STK39: variants seen among roughly 807,000 people sequenced by gnomAD.
STK39 encodes the protein serine/threonine kinase 39, also known as STE20/SPS1-related proline-alanine-rich protein kinase.
STK39 carries 20 observed loss-of-function variants against 77.8 expected under a neutral mutation model. That is an observed-to-expected ratio of 0.26 (90% confidence interval 0.18 to 0.37). The LOEUF (loss-of-function observed/expected upper bound fraction) is 0.37. Ranked by LOEUF, STK39 falls within the 10% of genes least tolerant of loss-of-function variation. The pLI is 1.00. For synonymous variants in STK39, 246 were observed against 234.1 expected, an observed-to-expected ratio of 1.05 and a Z score of -0.47; for missense variants, 479 against 656.5, an observed-to-expected ratio of 0.73 and a Z score of 2.95.
At chr2:168,181,526 AT>A (rs1207587737) in intron 2 of STK39, among the ~76,000 whole-genome samples, 5 of 150,798 alleles carry the variant, frequency 3.3e-5, no homozygotes, top group Non-Finnish European at 1.5e-5. Context: ...TAAAAAAAAA[AT>A]AACTCAAATT....
At chr2:167,956,289 C>T (rs914721226) in intron 17 of STK39, among the ~76,000 whole-genome samples, 20 of 152,150 alleles carry the variant, frequency 1.3e-4, no homozygotes, top group Admixed American at 5.2e-4. Flanking sequence ...CCAGGCATGG[C>T]GGCTCACGCC....
At chr2:168,193,371 T>C (rs1280382649) in intron 1 of STK39, among the ~76,000 whole-genome samples, 1 of 151,532 alleles carries the variant, frequency 6.6e-6, no homozygotes, top group African/African-American at 2.4e-5. Flanking sequence ...TGGCAGAAAA[T>C]AAGAGCCACA....
At chr2:168,243,522 G>A (rs1035343081) in intron 1 of STK39, among the ~76,000 whole-genome samples, 2 of 152,172 alleles carry the variant, frequency 1.3e-5, no homozygotes, top group African/African-American at 4.8e-5. Context: ...GTGAAGCAAT[G>A]CTGAGAAATC....
At chr2:168,021,309 C>T (rs756709748) in intron 14 of STK39, among the ~76,000 whole-genome samples, 3 of 152,104 alleles carry the variant, frequency 2.0e-5, no homozygotes, top group Admixed American at 6.5e-5. Flanking sequence ...ATGGAGGCTG[C>T]GTAGTCAAGT....
At chr2:167,958,017 G>A (rs1457879737) in intron 17 of STK39, among the ~76,000 whole-genome samples, 1 of 152,158 alleles carries the variant, frequency 6.6e-6, no homozygotes, top group East Asian at 1.9e-4. Flanking sequence ...TGCTACCTGG[G>A]CTCTCACTGC....
intron 1 of STK39, among the ~76,000 whole-genome samples, chr2:168,207,511 A>G (rs1689772169): frequency 6.6e-6 from 1 of 152,222 alleles, no homozygotes; most frequent in South Asian, 2.1e-4. Flanking sequence ...AAGGATATCC[A>G]CTGCCCTATG....
chr2:168,232,778 G>T (rs1690492272), intron 1 of STK39, among the ~76,000 whole-genome samples: 1 of 152,102 alleles, frequency 6.6e-6, no homozygotes, highest in African/African-American at 2.4e-5. Context: ...TGGACGTAGT[G>T]GCAGGTGCCT....
In STK39 at chr2:168,077,903, CAA is replaced by C. The variant is rs10707753; in HGVS notation, c.1090-2674_1090-2673del. 1.1e-3 allele frequency among the ~76,000 whole-genome samples: 153 copies of C among 135,574 alleles called. 3 individuals are homozygous for C. The highest frequency in any genetic ancestry group is 1.2e-3 in the African/African-American group (45 of 36,960). The allele number at this position is 135,574 out of a possible 152,430, so 88.9% of individuals were successfully genotyped here. On this transcript the variant is annotated intron_variant, in intron 10 of 17. Coordinates refer to ENST00000355999, the MANE Select transcript of STK39 (RefSeq NM_013233.3). ...ATAATACCTTGCAAAGTTAAAACTT[CAA>C]AAAAAAAAAAAAAGTGCAGAAAAGC...
At chr2:168,112,756 T>C (rs1205043705) in intron 10 of STK39, among the ~76,000 whole-genome samples, 1 of 152,184 alleles carries the variant, frequency 6.6e-6, no homozygotes, top group Non-Finnish European at 1.5e-5. Context: ...AACCTTTGTC[T>C]ACCTCATGGC....
At chr2:168,088,885 C>G (rs1437307970) in intron 10 of STK39, among the ~76,000 whole-genome samples, 1 of 152,092 alleles carries the variant, frequency 6.6e-6, no homozygotes, top group East Asian at 1.9e-4. Context: ...GAAATCAGAC[C>G]AGTAAGCATA....
chr2:168,144,246 G>A (rs921150306), intron 5 of STK39, among the ~76,000 whole-genome samples: 8 of 152,228 alleles, frequency 5.3e-5, no homozygotes, highest in East Asian at 3.9e-4. Context: ...TATGACTCCC[G>A]AAAGGGACTT....
intron 10 of STK39, among the ~76,000 whole-genome samples, chr2:168,122,401 T>C (rs1687432174): frequency 1.3e-5 from 2 of 152,182 alleles, no homozygotes; most frequent in Admixed American, 1.3e-4. Context: ...TTCCATAGTG[T>C]ATATGTACCA....
intron 16 of STK39, among the ~76,000 whole-genome samples, chr2:167,999,812 A>T (rs1236370583): frequency 2.0e-5 from 3 of 152,144 alleles, no homozygotes; most frequent in Non-Finnish European, 4.4e-5. Flanking sequence ...CAGTTGCTTA[A>T]GGGCCTGGAT....
chr2:168,235,398 T>C lies in STK39; in HGVS notation c.208+11830A>G, dbSNP rs148688843. 5.0e-4 allele frequency among the ~76,000 whole-genome samples: 76 copies of C among 151,962 alleles called. No individual in the cohort carries two copies. The East Asian group carries it at 0.013, about 26-fold the overall frequency. On this transcript the variant is annotated intron_variant, in intron 1 of 17. Transcript: ENST00000355999. ...CCACCAACAAGGAAACAATGTGATA[T>C]AAGTGGAAGAAAATACTGAATTAGG...
chr2:168,239,859 AG>A (rs1355807080), intron 1 of STK39, among the ~76,000 whole-genome samples: 1 of 152,220 alleles, frequency 6.6e-6, no homozygotes, highest in Non-Finnish European at 1.5e-5. Flanking sequence ...CTGAAGGGCA[AG>A]GGGGGAGGGG....
At chr2:167,964,202 C>T (rs534748073) in intron 17 of STK39, 51 of 155,380 alleles carry the variant, frequency 3.3e-4, no homozygotes, top group African/African-American at 3.4e-4. Context: ...TGTCTTTGTC[C>T]GCCAGCCTTT....
chr2:168,073,399 T>C (rs972739864), intron 12 of STK39, among the ~76,000 whole-genome samples: 3 of 152,240 alleles, frequency 2.0e-5, no homozygotes, highest in Non-Finnish European at 4.4e-5. Flanking sequence ...TATGTTGTTA[T>C]ATTTCTCAGC....
intron 16 of STK39, among the ~76,000 whole-genome samples, chr2:168,002,658 G>T (rs1684030686): frequency 2.0e-5 from 3 of 152,148 alleles, no homozygotes; most frequent in African/African-American, 7.2e-5. Flanking sequence ...ACTCTCTTGT[G>T]CTTTTATCAG....
intron 2 of STK39, among the ~76,000 whole-genome samples, chr2:168,174,383 C>T (rs965894327): frequency 6.6e-6 from 1 of 152,026 alleles, no homozygotes; most frequent in African/African-American, 2.4e-5. Flanking sequence ...GCGTGCTCTG[C>T]AAAAACTGTC....
Sources: gnomAD v4.1 joint callset for allele counts (sites outside exome capture counted in the v4.1 genomes callset) on GRCh38, gnomAD v4.1.1 for gene constraint, MANE v1.5 for transcripts, NCBI Gene and HGNC (gene_info 2026-07-23, HGNC 2026-07-21) for gene names.